The following CEPT1 variants were observed in gnomAD, a reference collection of about 807,000 sequenced individuals.
The protein encoded by CEPT1 is choline/ethanolamine phosphotransferase 1.
In CEPT1, 7 loss-of-function variants were observed where a neutral mutation model predicts 42.6. The observed-to-expected ratio is 0.16, with a 90% CI of 0.09 to 0.31. The LOEUF (loss-of-function observed/expected upper bound fraction) is 0.31, where lower values mean the gene tolerates loss of function less well. Among genes scored for constraint, CEPT1 ranks in the 10% least tolerant of loss-of-function variants. The pLI is 1.00. For missense variants in CEPT1, 306 were observed against 502.1 expected, an observed-to-expected ratio of 0.61 and a Z score of 3.73; for synonymous variants, 171 against 171.9, an observed-to-expected ratio of 0.99 and a Z score of 0.04.
intron 2 of CEPT1, among the ~76,000 whole-genome samples, chr1:111,153,399 G>A (rs1042907619): frequency 2.6e-5 from 4 of 152,106 alleles, no homozygotes; most frequent in Non-Finnish European, 4.4e-5. Flanking sequence ...GTTGAGATGG[G>A]GTTGGTCAGC....
At chr1:111,182,681 T>C in intron 6 of CEPT1, 118 bp from the exon 7 acceptor site, 1 of 889,766 alleles carries the variant, frequency 1.1e-6, no homozygotes, top group Non-Finnish European at 1.7e-6. Context: ...AATTGCTGCC[T>C]ATCAGGCACC....
At chr1:111,182,764 T>G (rs748821618) in intron 6 of CEPT1, 35 bp from the exon 7 acceptor site, 1 of 1,574,954 alleles carries the variant, frequency 6.3e-7, no homozygotes, top group African/African-American at 1.4e-5. Flanking sequence ...TGATGAGTAC[T>G]GAATACTATT....
At position 111,183,560 on chromosome 1, in the gene CEPT1, T is replaced by C; in HGVS notation, c.1104T>C (p.Asp368=). Residue 368 remains aspartate (D), a synonymous_variant, in exon 8 of 9, where the codon GAT becomes GAC. Coordinates refer to ENST00000357172, the MANE Select transcript of CEPT1 (RefSeq NM_006090.5). The part of the protein sequence containing the change: ...FLDQYFNSFI[D]EYIVLWIALV... ...ACCAGTATTTTAACAGCTTTATTGA[T>C]GAATATATTGTACTTTGGATTGCCC... The C allele has an allele frequency of 6.2e-7, 1 of 1,612,982 alleles. No homozygotes were observed. The highest frequency in any genetic ancestry group is 1.1e-5 in the South Asian group (1 of 91,058).
At chr1:111,157,766 A>G (rs537306447) in intron 2 of CEPT1, among the ~76,000 whole-genome samples, 8 of 152,328 alleles carry the variant, frequency 5.3e-5, no homozygotes, top group South Asian at 2.1e-4. Context: ...AACTCAAAAA[A>G]GGTTTATGAA....
At chr1:111,177,722 T>C (rs1462417331) in intron 5 of CEPT1, among the ~76,000 whole-genome samples, 1 of 152,222 alleles carries the variant, frequency 6.6e-6, no homozygotes, top group African/African-American at 2.4e-5. Flanking sequence ...AAACATCCTT[T>C]TTAAATTATA....
rs574695410 is a variant in CEPT1, at chr1:111,159,280, T to C, written c.340-100T>C. ...TGTAGCACTTGGATCTTCTCTCCCA[T>C]AGCTTCCAACTAGCTTTCCAACCTG... On this transcript the variant is annotated intron_variant, in intron 2 of 8. Transcript: ENST00000357172. 3,072 of 1,100,466 alleles carry C rather than the reference T, an allele frequency of 2.8e-3. 4 individuals carry two copies. The highest frequency in any genetic ancestry group is 3.8e-3 in the Non-Finnish European group (2,845 of 748,354). The allele number at this position is 1,100,466 out of a possible 1,614,324, so 68.2% of individuals were successfully genotyped here.
At chr1:111,141,243 C>T (rs1035569017) in intron 1 of CEPT1, among the ~76,000 whole-genome samples, 7 of 152,144 alleles carry the variant, frequency 4.6e-5, no homozygotes, top group Admixed American at 3.3e-4. Context: ...ACAAGTTAGA[C>T]TTTGGTAAGG....
Position 111,147,752 on chromosome 1 carries a change from A to T in CEPT1, c.38A>T (p.Asp13Val). ...GHRSTRKRCG[D>V]SHPESPVGFG... ...CGATCAACAAGGAAAAGATGTGGAG[A>T]TTCTCACCCGGAGTCCCCAGTGGGC... The change falls in exon 2 of 9, where the codon GAT (aspartate) becomes GTT (valine). Residue 13 changes from aspartate (D) to valine (V), a missense_variant. Asp to Val is a radical substitution (Grantham distance 152). Around this residue, in one of 2 missense-constraint regions of CEPT1, gnomAD observed 53 missense variants for 54.8 expected, o/e 0.97. Coordinates refer to ENST00000357172, the MANE Select transcript of CEPT1 (RefSeq NM_006090.5). 3 of 1,613,244 alleles carry T rather than the reference A, an allele frequency of 1.9e-6. No homozygotes were observed. The highest frequency in any genetic ancestry group is 1.1e-5 in the South Asian group (1 of 91,030).
Position 111,147,944 on chromosome 1 carries a change from G to T in CEPT1, c.230G>T (p.Arg77Ile), listed in dbSNP as rs763010701. 2.5e-6 allele frequency: 4 copies of T among 1,614,204 alleles called. 1 individual carries two copies. In the South Asian group the frequency reaches 4.4e-5, roughly 18 times the overall value. Residue 77 changes from arginine to isoleucine, a missense_variant, in exon 2 of 9, where the codon AGA becomes ATA. Arg to Ile is a moderately conservative substitution (Grantham distance 97). Transcript: ENST00000357172. ...CAAGGGTATTGGGAATGGCTCGTTA[G>T]AAGAGTTCCCTCCTGGATTGCCCCA... ...LMQGYWEWLVRRVPSWIAPNL... is the reference protein window; with the variant it reads ...LMQGYWEWLVIRVPSWIAPNL...
chr1:111,147,306 G>A (rs1389031991), intron 1 of CEPT1, among the ~76,000 whole-genome samples: 1 of 152,168 alleles, frequency 6.6e-6, no homozygotes, highest in Non-Finnish European at 1.5e-5. Context: ...CCGTATATGT[G>A]TAATGATGAG....
chr1:111,142,762 T>C (rs1003235792), intron 1 of CEPT1, among the ~76,000 whole-genome samples: 3 of 152,152 alleles, frequency 2.0e-5, no homozygotes, highest in Non-Finnish European at 4.4e-5. Context: ...CATGCACTTG[T>C]AGAGTATACA....
chr1:111,167,038 G>T, intron 4 of CEPT1: 1 of 729,884 alleles, frequency 1.4e-6, no homozygotes, highest in Non-Finnish European at 1.7e-6. Flanking sequence ...TGTTACCTGT[G>T]TTAGTAGGGC....
At chr1:111,161,037 A>G (rs568789463) in intron 3 of CEPT1, 118 bp from the exon 4 acceptor site, 1 of 999,748 alleles carries the variant, frequency 1.0e-6, no homozygotes, top group African/African-American at 1.6e-5. Context: ...GTTACAATAG[A>G]TAACTGAGAG....
intron 5 of CEPT1, among the ~76,000 whole-genome samples, chr1:111,175,842 C>T (rs1163449581): frequency 6.6e-6 from 1 of 152,134 alleles, no homozygotes; most frequent in Non-Finnish European, 1.5e-5. Flanking sequence ...TTGCCGATTT[C>T]TACCATCACC....
At chr1:111,161,426 AT>A in intron 4 of CEPT1, 130 bp downstream of exon 4, 1 of 834,196 alleles carries the variant, frequency 1.2e-6, no homozygotes. Flanking sequence ...TTTATGCTTC[AT>A]TATTATAGCT....
At position 111,184,362 on chromosome 1, in the gene CEPT1, CAT is replaced by C. The variant is rs754159284; in HGVS notation, c.*55_*56del. 2 of 1,443,064 alleles carry C rather than the reference CAT, an allele frequency of 1.4e-6. No individual in the cohort carries two copies. Among genetic ancestry groups the C allele is most frequent in the African/African-American group, 1.4e-5 (1 of 70,854 alleles). 89.4% of individuals were successfully genotyped at this position (1,443,064 alleles called of 1,614,324 possible). On this transcript the variant is annotated 3_prime_UTR_variant, in exon 9 of 9. Coordinates refer to ENST00000357172, the MANE Select transcript of CEPT1 (RefSeq NM_006090.5). ...ATGTTTTCTGCAGGAAAGAAAGTAA[CAT>C]ATTAAGGAGAATGGGGGTGGATAAG...
intron 4 of CEPT1, 68 bp downstream of exon 4, chr1:111,161,364 T>A (rs1571134850): frequency 7.0e-7 from 1 of 1,420,294 alleles, no homozygotes; most frequent in East Asian, 2.3e-5. Context: ...TTATAAGTAT[T>A]TGAGTATTAG....
intron 4 of CEPT1, among the ~76,000 whole-genome samples, chr1:111,161,640 G>T (rs1057498159): frequency 1.3e-5 from 2 of 152,150 alleles, no homozygotes; most frequent in Middle Eastern, 3.4e-3. Context: ...TGCATTTCCA[G>T]GAAAAAGAAG....
chr1:111,145,218 G>T (rs1249632381), intron 1 of CEPT1, among the ~76,000 whole-genome samples: 1 of 152,088 alleles, frequency 6.6e-6, no homozygotes. Flanking sequence ...GTTTCACCGT[G>T]TTGGCCAGGC....
Sources: allele counts gnomAD v4.1 joint callset (sites outside exome capture counted in the v4.1 genomes callset), GRCh38; gene constraint gnomAD v4.1.1; regional missense constraint gnomAD v4.1.1; transcripts MANE v1.5; gene names NCBI Gene and HGNC (gene_info 2026-07-23, HGNC 2026-07-21).